CUEDC1: variants seen among roughly 807,000 people sequenced by gnomAD.
CUEDC1 encodes CUE domain containing 1, also known as CUE domain-containing protein 1.
A neutral mutation model predicts 43.7 loss-of-function variants in CUEDC1; 30 were observed. The observed-to-expected ratio is 0.69, with a 90% CI of 0.51 to 0.93. The LOEUF (loss-of-function observed/expected upper bound fraction) is 0.93, where lower values mean the gene tolerates loss of function less well. CUEDC1 is among the 40% of genes least tolerant of loss of function. CUEDC1 has a pLI of 0.00. For synonymous variants in CUEDC1, 223 were observed against 223.6 expected, an observed-to-expected ratio of 1.00 and a Z score of 0.02; for missense variants, 486 against 549.0, an observed-to-expected ratio of 0.89 and a Z score of 1.15.
At chr17:57,898,414 G>T (rs1037060001) in intron 1 of CUEDC1, among the ~76,000 whole-genome samples, 2 of 152,202 alleles carry the variant, frequency 1.3e-5, no homozygotes, top group Non-Finnish European at 2.9e-5. Context: ...GAGTGGTCAG[G>T]AGTGGGGCTT....
chr17:57,939,588 T>C (rs570144298), intron 1 of CUEDC1, among the ~76,000 whole-genome samples: 6 of 152,224 alleles, frequency 3.9e-5, no homozygotes, highest in Admixed American at 2.6e-4. Context: ...CCTGAACAGC[T>C]TCTGGACGTG....
intron 1 of CUEDC1, among the ~76,000 whole-genome samples, chr17:57,950,135 C>G (rs1304853781): frequency 1.3e-5 from 2 of 152,128 alleles, no homozygotes; most frequent in Admixed American, 6.5e-5. Context: ...CACAGAAACC[C>G]TTGGCCCCCA....
chr17:57,898,158 C>T (rs2074433201), intron 1 of CUEDC1, among the ~76,000 whole-genome samples: 1 of 152,242 alleles, frequency 6.6e-6, no homozygotes, highest in Non-Finnish European at 1.5e-5. Context: ...TCAGTCACTG[C>T]ACCCCATGGT....
intron 1 of CUEDC1, among the ~76,000 whole-genome samples, chr17:57,937,688 T>C (rs1427595260): frequency 6.6e-6 from 1 of 151,614 alleles, no homozygotes; most frequent in Non-Finnish European, 1.5e-5. Flanking sequence ...CTCAACACTT[T>C]AGGAGATTGG....
chr17:57,880,337 G>C (rs1184606897), intron 2 of CUEDC1, among the ~76,000 whole-genome samples: 3 of 152,170 alleles, frequency 2.0e-5, no homozygotes, highest in Non-Finnish European at 4.4e-5. Flanking sequence ...TACCCCATTT[G>C]ACACAGAAGG....
intron 1 of CUEDC1, among the ~76,000 whole-genome samples, chr17:57,939,975 C>G (rs1567724982): frequency 6.6e-6 from 1 of 152,064 alleles, no homozygotes; most frequent in South Asian, 2.1e-4. Flanking sequence ...CAGGCACTTC[C>G]TCCTTTGAGT....
chr17:57,881,599 G>A (rs1362253167), intron 2 of CUEDC1, among the ~76,000 whole-genome samples: 1 of 152,198 alleles, frequency 6.6e-6, no homozygotes, highest in Non-Finnish European at 1.5e-5. Context: ...GCAGTGGTGG[G>A]TCTCAGTGGC....
At chr17:57,924,110 G>C (rs1326280281) in intron 1 of CUEDC1, among the ~76,000 whole-genome samples, 1 of 119,650 alleles carries the variant, frequency 8.4e-6, no homozygotes, top group Non-Finnish European at 1.8e-5. Context: ...GATTCTTCCT[G>C]CATTTTTTTT....
chr17:57,868,058 G>A, intron 8 of CUEDC1, 92 bp downstream of exon 8: 2 of 1,075,690 alleles, frequency 1.9e-6, no homozygotes, highest in East Asian at 4.8e-5. Flanking sequence ...CCACTCCCAG[G>A]GGAGGGCACA....
intron 1 of CUEDC1, among the ~76,000 whole-genome samples, chr17:57,912,064 G>A (rs771188169): frequency 3.3e-5 from 5 of 152,216 alleles, no homozygotes; most frequent in Admixed American, 6.5e-5. Context: ...ACAACAGCAT[G>A]AATGGCAGAA....
Position 57,926,039 on chromosome 17 carries a change from C to G in CUEDC1, c.-316+29186G>C, listed in dbSNP as rs1051606557. On this transcript the variant is annotated intron_variant, in intron 1 of 10. Transcript: ENST00000577830. ...AGTCCTCATCCTAGGGTCAGGGGCC[C>G]TGTGCCAGGAGACCCTGGAACATGG... Among the ~76,000 whole-genome samples, 4 of 152,236 alleles carry G rather than the reference C, an allele frequency of 2.6e-5. 1 individual carries two copies. The highest frequency in any genetic ancestry group is 2.0e-4 in the Admixed American group (3 of 15,282).
At chr17:57,949,128 G>A (rs1265407930) in intron 1 of CUEDC1, among the ~76,000 whole-genome samples, 1 of 152,188 alleles carries the variant, frequency 6.6e-6, no homozygotes, top group Non-Finnish European at 1.5e-5. Context: ...CAAAAGCCCA[G>A]GAGGCAGCAG....
At chr17:57,903,883 C>A (rs936898127) in intron 1 of CUEDC1, among the ~76,000 whole-genome samples, 1 of 151,084 alleles carries the variant, frequency 6.6e-6, no homozygotes, top group Non-Finnish European at 1.5e-5. Context: ...CTGCAGTGAG[C>A]TATGATGGCT....
At chr17:57,917,452 C>T (rs2074654210) in intron 1 of CUEDC1, among the ~76,000 whole-genome samples, 1 of 152,252 alleles carries the variant, frequency 6.6e-6, no homozygotes, top group African/African-American at 2.4e-5. Flanking sequence ...TGGAGAGTCT[C>T]AACCAGGCCT....
At chr17:57,883,086 G>A (rs1052609106) in intron 2 of CUEDC1, among the ~76,000 whole-genome samples, 1 of 152,074 alleles carries the variant, frequency 6.6e-6, no homozygotes, top group Non-Finnish European at 1.5e-5. Context: ...TTTCTACAAA[G>A]AGGATCCATA....
intron 1 of CUEDC1, among the ~76,000 whole-genome samples, chr17:57,909,013 A>G (rs920116575): frequency 3.3e-5 from 5 of 152,180 alleles, no homozygotes; most frequent in African/African-American, 1.2e-4. Flanking sequence ...AAGGAAGATC[A>G]TAATGTAGCC....
At chr17:57,878,535 C>A (rs1054080621) in intron 3 of CUEDC1, among the ~76,000 whole-genome samples, 2 of 152,154 alleles carry the variant, frequency 1.3e-5, no homozygotes, top group African/African-American at 4.8e-5. Context: ...TAAGAAACAG[C>A]AGCTCTAGGG....
At chr17:57,864,611 C>T (rs1410683401) in intron 10 of CUEDC1, among the ~76,000 whole-genome samples, 6 of 151,926 alleles carry the variant, frequency 3.9e-5, no homozygotes, top group Admixed American at 6.6e-5. Context: ...CGAGTCAATC[C>T]GAGTGATGGG....
At chr17:57,924,508 G>T (rs2143124444) in intron 1 of CUEDC1, among the ~76,000 whole-genome samples, 1 of 152,306 alleles carries the variant, frequency 6.6e-6, no homozygotes, top group African/African-American at 2.4e-5. Flanking sequence ...TAAATCAATA[G>T]AACTGGAAGT....
Sources: gnomAD v4.1 joint callset for allele counts (sites outside exome capture counted in the v4.1 genomes callset) on GRCh38, gnomAD v4.1.1 for gene constraint, MANE v1.5 for transcripts, NCBI Gene and HGNC (gene_info 2026-07-23, HGNC 2026-07-21) for gene names.